Variants in PARP14 observed in about 807,000 individuals in gnomAD.
The protein encoded by PARP14 is protein mono-ADP-ribosyltransferase PARP14.
Under a neutral mutation model 154.2 loss-of-function variants are expected in PARP14, and 59 were observed. The ratio of observed to expected loss-of-function variants is 0.38; its 90% CI spans 0.31 to 0.48. PARP14 has a LOEUF of 0.48. PARP14 is among the 20% of genes least tolerant of loss of function. The pLI is 0.98. For missense variants in PARP14, 1,734 were observed against 2,131.6 expected, an observed-to-expected ratio of 0.81 and a Z score of 3.67; for synonymous variants, 720 against 780.5, an observed-to-expected ratio of 0.92 and a Z score of 1.29.
intron 5 of PARP14, among the ~76,000 whole-genome samples, chr3:122,697,394 C>T (rs938895873): frequency 6.6e-6 from 1 of 152,198 alleles, no homozygotes; most frequent in African/African-American, 2.4e-5. Flanking sequence ...CAGAAAGGTC[C>T]AATAACTTGC....
intron 3 of PARP14, among the ~76,000 whole-genome samples, chr3:122,687,352 A>G (rs1349631099): frequency 6.6e-6 from 1 of 152,214 alleles, no homozygotes; most frequent in Non-Finnish European, 1.5e-5. Context: ...GACACCTTGC[A>G]ATAGAGGGGA....
chr3:122,703,300 C>T (rs1259158639), intron 6 of PARP14, among the ~76,000 whole-genome samples: 1 of 152,116 alleles, frequency 6.6e-6, no homozygotes, highest in Non-Finnish European at 1.5e-5. Flanking sequence ...CCTAGTTTAC[C>T]CCCAGTGTAA....
chr3:122,685,227 G>A lies in PARP14; in HGVS notation c.230G>A (p.Trp77Ter). ...GAGAGAAAAAATCATGAGTTGGTAT[G>A]GCAAGGAAAAGGAACATTCAAGTTA... ...VLERKNHELV[W>*]QGKGTFKLTV... is the part of the protein sequence containing the mutation. Residue 77 changes from tryptophan to a stop codon, truncating the protein, a stop_gained, in exon 2 of 17, where the codon TGG becomes TAG. Coordinates refer to ENST00000474629, the MANE Select transcript of PARP14 (RefSeq NM_017554.3). LOFTEE classifies it high-confidence loss of function. 1.9e-6 allele frequency: 3 copies of A among 1,613,840 alleles called. No individual in the cohort carries two copies. The highest frequency in any genetic ancestry group is 2.5e-6 in the Non-Finnish European group (3 of 1,179,792).
chr3:122,714,086 A>T lies in PARP14; in HGVS notation c.3832+152A>T, dbSNP rs560852848. Among the ~76,000 whole-genome samples the T allele has an allele frequency of 2.0e-5, 3 of 152,368 alleles. 1 individual carries two copies. The South Asian group carries it at 6.2e-4, about 32-fold the overall frequency. ...TCCAATCACAGACACTTAGAAGTGA[A>T]AAGTAATCTCACAGTTAAAAGTAAA... On this transcript the variant is annotated intron_variant, in intron 11 of 16. Coordinates refer to ENST00000474629, the MANE Select transcript of PARP14 (RefSeq NM_017554.3).
chr3:122,685,458 G>C (rs1938341629), intron 2 of PARP14, 140 bp downstream of exon 2: 1 of 766,944 alleles, frequency 1.3e-6, no homozygotes, highest in Non-Finnish European at 2.1e-6. Context: ...AATGTAGGGG[G>C]AGTGAGGGCA....
rs550503648 is a variant in PARP14 at position 122,704,653 on chromosome 3, A to G, written c.3445A>G (p.Ile1149Val). 1 of 1,606,680 alleles carries G rather than the reference A, an allele frequency of 6.2e-7. No homozygotes were observed. Among genetic ancestry groups the G allele is most frequent in the Non-Finnish European group, 8.5e-7 (1 of 1,175,750 alleles). Residue 1149 changes from isoleucine to valine, a missense_variant, in exon 8 of 17, where the codon ATT becomes GTT. Ile to Val is a conservative substitution (Grantham distance 29, BLOSUM62 3). Coordinates refer to ENST00000474629, the MANE Select transcript of PARP14 (RefSeq NM_017554.3). ...FPKNIFAELI[I>V]SEVFKFSSKN... is the part of the protein sequence containing the mutation. ...TAAAAACATATTCGCTGAATTAATC[A>G]TTTCAGAGGTGTTCAAATTTAGTAG...
chr3:122,701,454 T>C lies in PARP14; in HGVS notation c.2900T>C (p.Val967Ala). 1 of 1,614,010 alleles carries C rather than the reference T, an allele frequency of 6.2e-7. No individual in the cohort carries two copies. Among genetic ancestry groups the C allele is most frequent in the Non-Finnish European group, 8.5e-7 (1 of 1,179,882 alleles). The change falls in exon 6 of 17, where the codon GTT (valine) becomes GCT (alanine). Residue 967 changes from valine (V) to alanine (A), a missense_variant. Coordinates refer to ENST00000474629, the MANE Select transcript of PARP14 (RefSeq NM_017554.3). This position sits in a 1 kb window ranked among gnomAD's most constrained non-coding sequence, Gnocchi z 4.0. The part of the protein sequence containing the change: ...IYLVDVSEKT[V>A]EAFAEAVKTV... The stretch of plus-strand genomic sequence containing the variant: ...CTTGTGGATGTATCTGAGAAGACTG[T>C]TGAGGCCTTTGCAGAAGCTGTGAAA...
At chr3:122,695,707 A>G in intron 5 of PARP14, 45 bp downstream of exon 5, 2 of 860,234 alleles carry the variant, frequency 2.3e-6, no homozygotes, top group Non-Finnish European at 3.8e-6. Context: ...CTAGGCCATT[A>G]TTAGCAGAGC....
intron 3 of PARP14, among the ~76,000 whole-genome samples, chr3:122,689,520 G>A (rs990143325): frequency 1.3e-5 from 2 of 152,102 alleles, no homozygotes; most frequent in Non-Finnish European, 2.9e-5. Flanking sequence ...TGTTACCCAG[G>A]CTGGTCTTGA....
chr3:122,722,283 G>C (rs1374468901), intron 15 of PARP14: 2 of 152,026 alleles, frequency 1.3e-5, no homozygotes, highest in Non-Finnish European at 2.9e-5. Context: ...ATTCTATGAG[G>C]CACCAAGACA....
In PARP14 at chr3:122,697,969, G is replaced by A. The variant is rs553701982; in HGVS notation, c.836-1421G>A. On this transcript the variant is annotated intron_variant, in intron 5 of 16. Coordinates refer to ENST00000474629, the MANE Select transcript of PARP14 (RefSeq NM_017554.3). ...GGCCGAGTTACTTTAACCCACCTAA[G>A]CCTCTGTGTTCTTATCTGTAAAATG... 2.6e-5 allele frequency among the ~76,000 whole-genome samples: 4 copies of A among 152,324 alleles called. No homozygotes were observed. In the East Asian group the frequency reaches 7.7e-4, roughly 29 times the overall value.
At chr3:122,723,826 T>C (rs1933218156) in intron 15 of PARP14, among the ~76,000 whole-genome samples, 1 of 152,238 alleles carries the variant, frequency 6.6e-6, no homozygotes, top group Non-Finnish European at 1.5e-5. Context: ...CTTCCATTGA[T>C]GATCCTTGCC....
chr3:122,714,399 T>G lies in PARP14; in HGVS notation c.3970T>G (p.Ser1324Ala), dbSNP rs779143812. ...GCAGGAGTGTGAAAAAAAAAATTAC[T>G]CATCCATTTGCCTCCCAGCCATTGG... Reference protein sequence around the residue: ...VLQECEKKNYSSICLPAIGTG... With the variant: ...VLQECEKKNYASICLPAIGTG... The change falls in exon 12 of 17, where the codon TCA becomes GCA. Residue 1324 changes from serine (S) to alanine (A), a missense_variant. Transcript: ENST00000474629. 6.4e-5 allele frequency: 101 copies of G among 1,582,576 alleles called. No homozygotes were observed. Among genetic ancestry groups the G allele is most frequent in the Non-Finnish European group, 8.3e-5 (97 of 1,170,156 alleles).
chr3:122,718,059 T>C lies in PARP14; in HGVS notation c.4001-12T>C. On this transcript the variant is annotated splice_polypyrimidine_tract_variant and intron_variant, in intron 12 of 16. Coordinates refer to ENST00000474629, the MANE Select transcript of PARP14 (RefSeq NM_017554.3). Reference sequence around the variant, plus strand: ...TTTTGTCCTTCAGCAATTTTATTATTTGCTTTTCCAGGAAATGCCAAACAA... The same window carrying C: ...TTTTGTCCTTCAGCAATTTTATTATCTGCTTTTCCAGGAAATGCCAAACAA... The C allele has an allele frequency of 6.2e-7, 1 of 1,611,620 alleles. No individual in the cohort carries two copies. The highest frequency in any genetic ancestry group is 8.5e-7 in the Non-Finnish European group (1 of 1,178,098).
At chr3:122,722,968 C>T (rs548574422) in intron 15 of PARP14, among the ~76,000 whole-genome samples, 169 of 150,866 alleles carry the variant, frequency 1.1e-3, no homozygotes, top group Middle Eastern at 3.4e-3. Context: ...CGGAGTCTTG[C>T]TCTTTCACCC....
intron 15 of PARP14, among the ~76,000 whole-genome samples, chr3:122,726,224 C>T (rs1279745420): frequency 6.6e-6 from 1 of 152,080 alleles, no homozygotes; most frequent in Non-Finnish European, 1.5e-5. Context: ...TCCATGCTTC[C>T]ATGTGGGATA....
chr3:122,718,074 A>G lies in PARP14; in HGVS notation c.4004A>G (p.Asn1335Ser). 2 of 1,613,404 alleles carry G rather than the reference A, an allele frequency of 1.2e-6. No homozygotes were observed. Among genetic ancestry groups the G allele is most frequent in the Non-Finnish European group, 1.7e-6 (2 of 1,179,576 alleles). ...SICLPAIGTG[N>S]AKQHPDKVAE... ...ATTTTATTATTTGCTTTTCCAGGAAATGCCAAACAACACCCAGATAAGGTT... is the reference window on the plus strand; with the variant it reads ...ATTTTATTATTTGCTTTTCCAGGAAGTGCCAAACAACACCCAGATAAGGTT... The change falls in exon 13 of 17, where the codon AAT becomes AGT. Residue 1335 changes from asparagine (N) to serine (S), a missense_variant. By Grantham distance (46) the Asn-to-Ser change is conservative (BLOSUM62 1). Transcript: ENST00000474629.
intron 8 of PARP14, among the ~76,000 whole-genome samples, chr3:122,707,398 A>AATAAATAAATAT (rs1463814787): frequency 6.6e-6 from 1 of 151,174 alleles, no homozygotes; most frequent in Non-Finnish European, 1.5e-5. Context: ...TAAATAAATA[A>AATAAATAAATAT]ATAAATAAAT....
chr3:122,711,939 T>G (rs373867685), intron 9 of PARP14, among the ~76,000 whole-genome samples: 3 of 152,184 alleles, frequency 2.0e-5, no homozygotes, highest in African/African-American at 7.2e-5. Context: ...GTCTCCAGTT[T>G]CATTTCTAAT....
Sources: gnomAD v4.1 joint callset for allele counts (sites outside exome capture counted in the v4.1 genomes callset) on GRCh38, gnomAD v4.1.1 for gene constraint, Gnocchi (gnomAD v3.1) non-coding constraint, MANE v1.5 for transcripts, NCBI Gene and HGNC (gene_info 2026-07-23, HGNC 2026-07-21) for gene names.